Variants in FMNL2 observed in about 807,000 individuals in gnomAD.
FMNL2 encodes the protein formin-like protein 2.
FMNL2 carries 51 observed loss-of-function variants against 130.2 expected under a neutral mutation model. That is an observed-to-expected ratio of 0.39 (90% confidence interval 0.31 to 0.49). The LOEUF (loss-of-function observed/expected upper bound fraction) is 0.49, where lower values mean the gene tolerates loss of function less well. Ranked by LOEUF, FMNL2 falls within the 20% of genes least tolerant of loss-of-function variation. The pLI is 0.85. For synonymous variants in FMNL2, 465 were observed against 467.1 expected (o/e 1.00, Z 0.06); for missense variants, 977 against 1,316.2 (o/e 0.74, Z 3.99).
chr2:152,513,342 T>G (rs1692587069), intron 1 of FMNL2, among the ~76,000 whole-genome samples: 1 of 152,208 alleles, frequency 6.6e-6, no homozygotes. Flanking sequence ...TAGCGAATGT[T>G]AACTATACAA....
chr2:152,628,495 A>G lies in FMNL2; in HGVS notation c.2362A>G (p.Ile788Val), dbSNP rs762305331. 2.2e-5 allele frequency: 35 copies of G among 1,613,944 alleles called. No homozygotes were observed. In the East Asian group the frequency reaches 7.8e-4, roughly 36 times the overall value. ...GCAGAAGATGACCATCATGGCCTTC[A>G]TTGGGAACTTTGCTGAAAGCATTCA... is the stretch of plus-strand genomic sequence containing the variant. ...LMQKMTIMAF[I>V]GNFAESIQML... is the part of the protein sequence containing the mutation. Residue 788 changes from isoleucine to valine, a missense_variant, in exon 18 of 26, where the codon ATT becomes GTT. Ile to Val is a conservative substitution (Grantham distance 29). This residue lies in a region of FMNL2 where 689 missense variants were observed against 995.9 expected (regional missense o/e 0.69). Transcript: ENST00000288670.
At chr2:152,461,639 T>C (rs1689257375) in intron 1 of FMNL2, among the ~76,000 whole-genome samples, 1 of 152,234 alleles carries the variant, frequency 6.6e-6, no homozygotes, top group Non-Finnish European at 1.5e-5. Flanking sequence ...CAAATGCCAA[T>C]AGCCTTGTGC....
At chr2:152,637,518 C>T in intron 22 of FMNL2, 55 bp from the exon 23 acceptor site, 1 of 1,374,342 alleles carries the variant, frequency 7.3e-7, no homozygotes, top group Non-Finnish European at 1.0e-6. Flanking sequence ...CCCCCTAGAG[C>T]ATCCAGTTCA....
rs58367779 is a variant in FMNL2 at position 152,338,820 on chromosome 2, T to TACACACACACACACACACAC, written c.117+3114_117+3133dup. Among the ~76,000 whole-genome samples, 686 of 148,928 alleles carry TACACACACACACACACACAC rather than the reference T, an allele frequency of 4.6e-3. 5 individuals carry two copies. Among genetic ancestry groups the TACACACACACACACACACAC allele is most frequent in the Middle Eastern group, 0.018 (5 of 284 alleles). On this transcript the variant is annotated intron_variant, in intron 1 of 25. Coordinates refer to ENST00000288670, the MANE Select transcript of FMNL2 (RefSeq NM_052905.4). ...TTTCAGGTACAGCTGGAAGGTGAGA[T>TACACACACACACACACACAC]ACACACACACACACACACACACACA...
At chr2:152,350,426 C>T (rs1167295750) in intron 1 of FMNL2, among the ~76,000 whole-genome samples, 1 of 152,154 alleles carries the variant, frequency 6.6e-6, no homozygotes, top group East Asian at 1.9e-4. Flanking sequence ...AGAGTTCTGC[C>T]TCTTGTTAAA....
At chr2:152,389,810 CAGG>C (rs1453281789) in intron 1 of FMNL2, 2 of 1,357,230 alleles carry the variant, frequency 1.5e-6, no homozygotes, top group East Asian at 4.6e-5. Context: ...TTTTTCACTG[CAGG>C]AGAAGAGGGG....
chr2:152,461,051 C>T (rs1466027735), intron 1 of FMNL2, among the ~76,000 whole-genome samples: 1 of 152,078 alleles, frequency 6.6e-6, no homozygotes, highest in Non-Finnish European at 1.5e-5. Flanking sequence ...TTCCTGGTAC[C>T]AGAAAGGTTG....
Position 152,619,128 on chromosome 2 carries a change from C to T in FMNL2, c.1597C>T (p.Leu533=). ...ACCCTTGCCCCCTCCTCCACCACCACTGCCTCCCTCATCAGACACACCTGA... is the reference window on the plus strand; with the variant it reads ...ACCCTTGCCCCCTCCTCCACCACCATTGCCTCCCTCATCAGACACACCTGA... The part of the protein sequence containing the change: ...SGPLPPPPPP[L]PPSSDTPETV... Residue 533 remains leucine, a synonymous_variant, in exon 14 of 26, where the codon CTG becomes TTG. Coordinates refer to ENST00000288670, the MANE Select transcript of FMNL2 (RefSeq NM_052905.4). 2 of 1,589,964 alleles carry T rather than the reference C, an allele frequency of 1.3e-6. No homozygotes were observed. Among genetic ancestry groups the T allele is most frequent in the Non-Finnish European group, 1.7e-6 (2 of 1,167,424 alleles).
At chr2:152,412,119 G>T (rs1387593411) in intron 1 of FMNL2, among the ~76,000 whole-genome samples, 6 of 151,940 alleles carry the variant, frequency 3.9e-5, no homozygotes. Flanking sequence ...TTCCTTTCCT[G>T]TGTTATCACT....
intron 25 of FMNL2, chr2:152,643,500 A>G (rs1185365096): frequency 6.5e-7 from 1 of 1,536,138 alleles, no homozygotes. Flanking sequence ...ACTGAGGAAT[A>G]CCATTACTAA....
At chr2:152,553,551 T>G (rs907870223) in intron 4 of FMNL2, among the ~76,000 whole-genome samples, 16 of 152,060 alleles carry the variant, frequency 1.1e-4, no homozygotes, top group African/African-American at 3.9e-4. Context: ...TTTTTTTTTT[T>G]TTTTTGGTTT....
chr2:152,619,558 T>G lies in FMNL2; in HGVS notation c.1677T>G (p.Pro559=). 2.1e-6 allele frequency: 1 copy of G among 481,606 alleles called. No homozygotes were observed. Among genetic ancestry groups the G allele is most frequent in the Non-Finnish European group, 3.0e-6 (1 of 334,538 alleles). The allele number at this position is 481,606 out of a possible 1,614,324, so 29.8% of individuals were successfully genotyped here. The part of the protein sequence containing the change: ...TPPMPPPPPP[P]PPPPPPPPPP... ...CTATGCCACCGCCGCCGCCGCCCCC[T>G]CCTCCACCTCCTCCTCCCCCACCGC... is the stretch of plus-strand genomic sequence containing the variant. Residue 559 remains proline, a synonymous_variant, in exon 15 of 26, where the codon CCT becomes CCG. Coordinates refer to ENST00000288670, the MANE Select transcript of FMNL2 (RefSeq NM_052905.4).
chr2:152,430,814 A>G (rs935327835), intron 1 of FMNL2, among the ~76,000 whole-genome samples: 2 of 152,160 alleles, frequency 1.3e-5, no homozygotes, highest in Non-Finnish European at 2.9e-5. Context: ...TGGAGGTTGC[A>G]GTGAGCCAAG....
intron 1 of FMNL2, among the ~76,000 whole-genome samples, chr2:152,424,634 C>T (rs1687100176): frequency 6.6e-6 from 1 of 151,920 alleles, no homozygotes; most frequent in Admixed American, 6.5e-5. Flanking sequence ...TGTGATTCGC[C>T]CATCTCGGCC....
At chr2:152,459,461 C>T (rs1311309198) in intron 1 of FMNL2, among the ~76,000 whole-genome samples, 1 of 152,124 alleles carries the variant, frequency 6.6e-6, no homozygotes, top group East Asian at 1.9e-4. Context: ...ATTGATTTTG[C>T]CTTTTTACGT....
intron 1 of FMNL2, among the ~76,000 whole-genome samples, chr2:152,380,127 G>C (rs978630535): frequency 3.3e-5 from 5 of 152,008 alleles, no homozygotes; most frequent in Non-Finnish European, 5.9e-5. Flanking sequence ...AATTTTTGTG[G>C]CCATCTCATC....
chr2:152,601,658 TTTTCTTTTC>T (rs1359342164), intron 9 of FMNL2, among the ~76,000 whole-genome samples: 5 of 72,876 alleles, frequency 6.9e-5, no homozygotes, highest in Non-Finnish European at 1.4e-4. Context: ...CTCTCTTTTC[TTTTCTTTTC>T]TTTCTTTTTT....
intron 1 of FMNL2, among the ~76,000 whole-genome samples, chr2:152,339,979 G>A (rs969674242): frequency 6.6e-6 from 1 of 151,914 alleles, no homozygotes; most frequent in African/African-American, 2.4e-5. Flanking sequence ...CCAGGAATTC[G>A]AGACCAGCCT....
intron 9 of FMNL2, among the ~76,000 whole-genome samples, chr2:152,601,297 TTTTTTC>T (rs1698036772): frequency 2.5e-5 from 2 of 80,332 alleles, no homozygotes; most frequent in African/African-American, 8.6e-5. Flanking sequence ...TTTTCTTTTC[TTTTTTC>T]TTTTTTTTTT....
Sources: gnomAD v4.1 joint callset for allele counts (sites outside exome capture counted in the v4.1 genomes callset) on GRCh38, gnomAD v4.1.1 for gene constraint, gnomAD v4.1.1 regional missense constraint, MANE v1.5 for transcripts, NCBI Gene and HGNC (gene_info 2026-07-23, HGNC 2026-07-21) for gene names.